TCERG1L: variants seen among roughly 807,000 people sequenced by gnomAD.
The protein encoded by TCERG1L is transcription elongation regulator 1-like protein.
A neutral mutation model predicts 56.3 loss-of-function variants in TCERG1L; 37 were observed. The observed-to-expected ratio is 0.66, with a 90% CI of 0.51 to 0.87. The LOEUF (loss-of-function observed/expected upper bound fraction) is 0.87. Among genes scored for constraint, TCERG1L ranks in the 40% least tolerant of loss-of-function variants. TCERG1L has a pLI of 0.00. For missense variants in TCERG1L, 799 were observed against 774.2 expected, an observed-to-expected ratio of 1.03 and a Z score of -0.38; for synonymous variants, 324 against 326.3, an observed-to-expected ratio of 0.99 and a Z score of 0.08.
intron 4 of TCERG1L, among the ~76,000 whole-genome samples, chr10:131,205,517 C>G (rs1435574553): frequency 5.3e-5 from 8 of 152,200 alleles, no homozygotes; most frequent in Non-Finnish European, 1.0e-4. Flanking sequence ...CAGCCTGTAT[C>G]TCACATTAGG....
chr10:131,109,788 T>C (rs995711870), intron 9 of TCERG1L, among the ~76,000 whole-genome samples: 8 of 152,136 alleles, frequency 5.3e-5, no homozygotes, highest in Admixed American at 2.0e-4. Flanking sequence ...GCTCCTCTGT[T>C]CCCTCATTAG....
intron 4 of TCERG1L, among the ~76,000 whole-genome samples, chr10:131,167,261 G>C (rs1186454017): frequency 6.6e-6 from 1 of 152,222 alleles, no homozygotes; most frequent in East Asian, 1.9e-4. Context: ...CCCGAGACTT[G>C]GCTGTTGTCC....
chr10:131,101,412 C>T (rs1310366483), intron 10 of TCERG1L, among the ~76,000 whole-genome samples: 1 of 152,218 alleles, frequency 6.6e-6, no homozygotes, highest in Non-Finnish European at 1.5e-5. Context: ...TGAGAATGAT[C>T]TTACTTATTC....
chr10:131,229,698 T>G (rs1845828965), intron 4 of TCERG1L, among the ~76,000 whole-genome samples: 1 of 151,988 alleles, frequency 6.6e-6, no homozygotes, highest in Non-Finnish European at 1.5e-5. Flanking sequence ...CTCCTAAATA[T>G]TTAGAATATT....
rs1357104361 is a variant in TCERG1L, at chr10:131,118,404, C to T, written c.1260-1470G>A. ...TCTAGAGGTAAGAGTCTCTCCTGGG[C>T]CACAGTCTCCCCAAGCTCCACTGAA... On this transcript the variant is annotated intron_variant, in intron 8 of 11. Transcript: ENST00000368642. This position sits in a 1 kb window ranked among gnomAD's most constrained non-coding sequence, Gnocchi z 4.2. Among the ~76,000 whole-genome samples the T allele has an allele frequency of 6.6e-6, 1 of 152,170 alleles. No individual in the cohort carries two copies. Among genetic ancestry groups the T allele is most frequent in the African/African-American group, 2.4e-5 (1 of 41,436 alleles).
At chr10:131,110,790 A>G (rs1845404473) in intron 9 of TCERG1L, among the ~76,000 whole-genome samples, 1 of 145,088 alleles carries the variant, frequency 6.9e-6, no homozygotes, top group African/African-American at 2.4e-5. Context: ...CCCTGAGAAA[A>G]GGGGGTTCAA....
At chr10:131,307,498 C>T (rs1444749593) in intron 3 of TCERG1L, among the ~76,000 whole-genome samples, 1 of 152,098 alleles carries the variant, frequency 6.6e-6, no homozygotes, top group African/African-American at 2.4e-5. Context: ...TAAAATATTC[C>T]ATAATGGAAG....
chr10:131,096,347 G>A (rs555251542), intron 11 of TCERG1L, among the ~76,000 whole-genome samples: 3 of 152,332 alleles, frequency 2.0e-5, no homozygotes, highest in Admixed American at 2.0e-4. Context: ...GCATTCTCAT[G>A]ACTGCTTTAA....
chr10:131,240,015 G>A (rs1448773191), intron 4 of TCERG1L, among the ~76,000 whole-genome samples: 1 of 152,154 alleles, frequency 6.6e-6, no homozygotes, highest in Non-Finnish European at 1.5e-5. Flanking sequence ...CAGGAAATGG[G>A]TCATCTGGGC....
intron 4 of TCERG1L, among the ~76,000 whole-genome samples, chr10:131,170,841 A>C (rs1846082428): frequency 6.6e-6 from 1 of 152,120 alleles, no homozygotes; most frequent in Non-Finnish European, 1.5e-5. Flanking sequence ...CGGGCAACAA[A>C]ATATCTCTTT....
chr10:131,204,673 C>T (rs1845496870), intron 4 of TCERG1L, among the ~76,000 whole-genome samples: 1 of 152,188 alleles, frequency 6.6e-6, no homozygotes, highest in Admixed American at 6.5e-5. Flanking sequence ...CCACTAGAGG[C>T]TAAAATAAAC....
At chr10:131,243,594 C>A (rs1845996719) in intron 4 of TCERG1L, among the ~76,000 whole-genome samples, 1 of 152,154 alleles carries the variant, frequency 6.6e-6, no homozygotes, top group South Asian at 2.1e-4. Context: ...ACAAATAATA[C>A]ACATGCACAC....
intron 4 of TCERG1L, among the ~76,000 whole-genome samples, chr10:131,193,955 A>C (rs74160864): frequency 0.018 from 2,712 of 152,216 alleles, 65 homozygotes; most frequent in South Asian, 0.11. Flanking sequence ...TGAAGATAAA[A>C]CCCCAGAAGG....
chr10:131,130,816 G>C (rs1845610437), intron 8 of TCERG1L, among the ~76,000 whole-genome samples: 1 of 152,026 alleles, frequency 6.6e-6, no homozygotes, highest in South Asian at 2.1e-4. Flanking sequence ...GGGAGTCACT[G>C]ACTAATGGAC....
At chr10:131,172,596 C>T (rs894017399) in intron 4 of TCERG1L, among the ~76,000 whole-genome samples, 2 of 152,178 alleles carry the variant, frequency 1.3e-5, no homozygotes, top group Admixed American at 6.5e-5. Context: ...GCGTGCTCCA[C>T]GCGCGCTGGC....
At chr10:131,224,801 C>G (rs1271557228) in intron 4 of TCERG1L, among the ~76,000 whole-genome samples, 5 of 149,646 alleles carry the variant, frequency 3.3e-5, no homozygotes, top group Non-Finnish European at 7.4e-5. Context: ...CACTGACAAT[C>G]TGTGGAAATG....
At chr10:131,229,796 T>C (rs901017892) in intron 4 of TCERG1L, among the ~76,000 whole-genome samples, 4 of 152,214 alleles carry the variant, frequency 2.6e-5, no homozygotes, top group Admixed American at 2.6e-4. Flanking sequence ...GTAATCATAA[T>C]TGAGAATAAA....
chr10:131,271,882 T>C (rs11017856), intron 3 of TCERG1L, among the ~76,000 whole-genome samples: 5,904 of 152,310 alleles, frequency 0.039, 193 homozygotes, highest in Middle Eastern at 0.068. Context: ...ATTAGTTTAT[T>C]ATGCTTGTTT....
chr10:131,192,220 G>A (rs1187198563), intron 4 of TCERG1L, among the ~76,000 whole-genome samples: 1 of 134,622 alleles, frequency 7.4e-6, no homozygotes, highest in Non-Finnish European at 1.6e-5. Context: ...CAAAAAACAT[G>A]AACAGACATT....
Sources: allele counts gnomAD v4.1 joint callset (sites outside exome capture counted in the v4.1 genomes callset), GRCh38; gene constraint gnomAD v4.1.1; non-coding constraint Gnocchi (gnomAD v3.1); transcripts MANE v1.5; gene names NCBI Gene and HGNC (gene_info 2026-07-23, HGNC 2026-07-21).